The following SEMA3E variants were observed in gnomAD, a reference collection of about 807,000 sequenced individuals.
SEMA3E encodes the protein semaphorin-3E.
SEMA3E carries 49 observed loss-of-function variants against 93.6 expected under a neutral mutation model. The ratio of observed to expected loss-of-function variants is 0.52; its 90% confidence interval spans 0.42 to 0.66. SEMA3E has a LOEUF of 0.66. SEMA3E is among the 30% of genes least tolerant of loss of function. The pLI, the probability that SEMA3E is intolerant of heterozygous loss-of-function variation, is 0.00. For missense variants in SEMA3E, 906 were observed against 964.8 expected (o/e 0.94, Z 0.81); for synonymous variants, 363 against 330.7 (o/e 1.10, Z -1.06).
At chr7:83,552,468 A>G (rs992653362) in intron 1 of SEMA3E, among the ~76,000 whole-genome samples, 1 of 152,202 alleles carries the variant, frequency 6.6e-6, no homozygotes, top group African/African-American at 2.4e-5. Context: ...AGCAATTTTT[A>G]GGGAACAAGA....
chr7:83,573,985 T>C (rs184717080), intron 1 of SEMA3E, among the ~76,000 whole-genome samples: 1 of 152,226 alleles, frequency 6.6e-6, no homozygotes, highest in African/African-American at 2.4e-5. Flanking sequence ...AAAAATGGAC[T>C]AAAATGTAAA....
intron 1 of SEMA3E, among the ~76,000 whole-genome samples, chr7:83,543,318 ATGT>A (rs1375527305): frequency 6.6e-6 from 1 of 152,014 alleles, no homozygotes; most frequent in Non-Finnish European, 1.5e-5. Flanking sequence ...AATGTTTAAC[ATGT>A]TGTTCCAAAA....
At chr7:83,468,724 C>A (rs2115888715) in intron 3 of SEMA3E, among the ~76,000 whole-genome samples, 1 of 152,236 alleles carries the variant, frequency 6.6e-6, no homozygotes, top group South Asian at 2.1e-4. Flanking sequence ...TGATACACAG[C>A]ATTCTGCCAC....
At chr7:83,443,916 G>GATATATATATATATATATATAT (rs60405752) in intron 4 of SEMA3E, among the ~76,000 whole-genome samples, 3 of 147,384 alleles carry the variant, frequency 2.0e-5, no homozygotes, top group African/African-American at 7.4e-5. Flanking sequence ...ATAATGACCT[G>GATATATATATATATATATATAT]ATATATATAT....
intron 1 of SEMA3E, among the ~76,000 whole-genome samples, chr7:83,568,216 G>A (rs1421594645): frequency 6.6e-6 from 1 of 152,050 alleles, no homozygotes; most frequent in East Asian, 1.9e-4. Context: ...ATAAAGAGCA[G>A]TAAGACTGAA....
intron 4 of SEMA3E, among the ~76,000 whole-genome samples, chr7:83,448,187 A>T (rs1789275170): frequency 6.6e-6 from 1 of 152,216 alleles, no homozygotes; most frequent in Admixed American, 6.5e-5. Flanking sequence ...CTCTAGGTAC[A>T]TCTGTTCCAT....
Position 83,467,057 on chromosome 7 carries a change from CTTTTT to C in SEMA3E, c.337-461_337-457del, listed in dbSNP as rs59059670. On this transcript the variant is annotated intron_variant, in intron 3 of 16. Coordinates refer to ENST00000643230, the MANE Select transcript of SEMA3E (RefSeq NM_012431.3). ...AGTTATTCATATGGAAATATGCAGT[CTTTTT>C]TTTTTTTTTTTTTTTTTCCCAAGAC... 3.3e-3 allele frequency among the ~76,000 whole-genome samples: 392 copies of C among 117,104 alleles called. 3 individuals carry two copies. The highest frequency in any genetic ancestry group is 0.015 in the East Asian group (63 of 4,066). The allele number at this position is 117,104 out of a possible 152,430, so 76.8% of individuals were successfully genotyped here.
At chr7:83,581,623 A>G (rs971751635) in intron 1 of SEMA3E, among the ~76,000 whole-genome samples, 2 of 152,072 alleles carry the variant, frequency 1.3e-5, no homozygotes, top group African/African-American at 4.8e-5. Flanking sequence ...TGCAAACATC[A>G]GTAGCTTAAA....
intron 1 of SEMA3E, among the ~76,000 whole-genome samples, chr7:83,539,187 T>G (rs757155584): frequency 2.2e-4 from 33 of 152,180 alleles, no homozygotes; most frequent in Non-Finnish European, 3.8e-4. Context: ...AGATAAAGCC[T>G]AGTACCAGGC....
In SEMA3E at chr7:83,445,878, C is replaced by A. The variant is rs1257426216; in HGVS notation, c.456+20604G>T. Among the ~76,000 whole-genome samples the A allele has an allele frequency of 3.3e-5, 5 of 152,124 alleles. No individual in the cohort carries two copies. In the East Asian group the frequency reaches 9.6e-4, roughly 29 times the overall value. On this transcript the variant is annotated intron_variant, in intron 4 of 16. Transcript: ENST00000643230. ...TTATGGACTTTTACTTTACGGCCTC[C>A]ATTTGCCTTTTTAAATAGGAGATAT...
intron 1 of SEMA3E, among the ~76,000 whole-genome samples, chr7:83,581,904 T>A (rs955953497): frequency 5.3e-5 from 8 of 151,964 alleles, no homozygotes; most frequent in African/African-American, 1.9e-4. Flanking sequence ...GGAAATCCTG[T>A]CACCATTTTC....
rs188627867 is a variant in SEMA3E, at chr7:83,502,949, G to A, written c.116-12675C>T. ...ATAATAACTAACTGGTAGGACTGCC[G>A]TAAGAATCAAATGATTCATAGTACC... On this transcript the variant is annotated intron_variant, in intron 1 of 16. Coordinates refer to ENST00000643230, the MANE Select transcript of SEMA3E (RefSeq NM_012431.3). Among the ~76,000 whole-genome samples the A allele has an allele frequency of 1.8e-3, 266 of 151,260 alleles. 1 individual carries two copies. The highest frequency in any genetic ancestry group is 5.6e-3 in the African/African-American group (230 of 41,246).
intron 1 of SEMA3E, among the ~76,000 whole-genome samples, chr7:83,576,184 T>A (rs1442715119): frequency 6.6e-6 from 1 of 152,224 alleles, no homozygotes; most frequent in African/African-American, 2.4e-5. Context: ...TTAAAATAAT[T>A]TGAAATGTTT....
intron 16 of SEMA3E, chr7:83,373,079 T>G (rs1378475826): frequency 1.3e-5 from 2 of 152,094 alleles, no homozygotes; most frequent in Non-Finnish European, 2.9e-5. Context: ...AAATACAAAA[T>G]TTTTGCTGAA....
chr7:83,421,899 C>T (rs1361870475), intron 4 of SEMA3E, among the ~76,000 whole-genome samples: 4 of 152,240 alleles, frequency 2.6e-5, no homozygotes, highest in African/African-American at 7.2e-5. Context: ...AGCCTAGTGC[C>T]GGGCACGGTG....
At chr7:83,627,210 C>T (rs1003040090) in intron 1 of SEMA3E, among the ~76,000 whole-genome samples, 6 of 152,168 alleles carry the variant, frequency 3.9e-5, no homozygotes, top group African/African-American at 9.7e-5. Context: ...CTGTAGATGT[C>T]TATCAGGTCC....
In SEMA3E at chr7:83,510,206, T is replaced by C. The variant is rs376062704; in HGVS notation, c.116-19932A>G. 1.7e-3 allele frequency among the ~76,000 whole-genome samples: 262 copies of C among 152,286 alleles called. 1 individual carries two copies. Among genetic ancestry groups the C allele is most frequent in the South Asian group, 6.6e-3 (32 of 4,828 alleles). ...AATCCTGTCAAATCCACTCCATTTTTAATTAAGCAAGTGTTTATTTTAGAG... is the reference window on the plus strand; with the variant it reads ...AATCCTGTCAAATCCACTCCATTTTCAATTAAGCAAGTGTTTATTTTAGAG... On this transcript the variant is annotated intron_variant, in intron 1 of 16. Transcript: ENST00000643230.
rs1473597714 is a variant in SEMA3E at position 83,475,109 on chromosome 7, C to T, written c.277-5807G>A. On this transcript the variant is annotated intron_variant, in intron 2 of 16. Coordinates refer to ENST00000643230, the MANE Select transcript of SEMA3E (RefSeq NM_012431.3). ...AATAGATAATCCCTCATCCATAATT[C>T]AGAATAATGCATTACGGTTATTACA... Among the ~76,000 whole-genome samples the T allele has an allele frequency of 3.3e-5, 5 of 151,724 alleles. No homozygotes were observed. The East Asian group carries it at 9.7e-4, about 29-fold the overall frequency.
chr7:83,544,715 T>A (rs912407263), intron 1 of SEMA3E, among the ~76,000 whole-genome samples: 1 of 152,090 alleles, frequency 6.6e-6, no homozygotes, highest in South Asian at 2.1e-4. Context: ...GAGGTGGGAT[T>A]CCAAGTATCT....
Sources: allele counts gnomAD v4.1 joint callset (sites outside exome capture counted in the v4.1 genomes callset), GRCh38; gene constraint gnomAD v4.1.1; transcripts MANE v1.5; gene names NCBI Gene and HGNC (gene_info 2026-07-23, HGNC 2026-07-21).